UTP20: variants seen among roughly 807,000 people sequenced by gnomAD.
UTP20 encodes the protein small subunit processome component 20 homolog.
A neutral mutation model predicts 329.5 loss-of-function variants in UTP20; 164 were observed. That is an observed-to-expected ratio of 0.50 (90% CI 0.44 to 0.57). UTP20 has a LOEUF of 0.57. Among genes scored for constraint, UTP20 ranks in the 20% least tolerant of loss-of-function variants. UTP20 has a pLI of 0.00. For synonymous variants in UTP20, 1,151 were observed against 1,159.3 expected (o/e 0.99, Z 0.14); for missense variants, 3,055 against 3,284.2 (o/e 0.93, Z 1.71).
chr12:101,281,035 C>T, intron 1 of UTP20, 81 bp from the exon 2 acceptor site: 1 of 1,190,976 alleles, frequency 8.4e-7, no homozygotes, highest in Non-Finnish European at 1.2e-6. Flanking sequence ...TTAGAGATGC[C>T]TACATGCAGC....
At chr12:101,383,801 T>A in intron 60 of UTP20, 132 bp downstream of exon 60, 1 of 298,784 alleles carries the variant, frequency 3.3e-6, no homozygotes, top group Non-Finnish European at 5.2e-6. Flanking sequence ...TATATTTTAA[T>A]TATATATTAT....
At position 101,353,046 on chromosome 12, in the gene UTP20, G is replaced by A. The variant is rs1869590742; in HGVS notation, c.5025-1G>A. ...TTTCTGTATACTTTTTTTTTTAACAGTTTGCTAGTAATAGTGTTAGAAGCA... is the reference window on the plus strand; with the variant it reads ...TTTCTGTATACTTTTTTTTTTAACAATTTGCTAGTAATAGTGTTAGAAGCA... On this transcript the variant is annotated splice_acceptor_variant, in intron 39 of 61. Transcript: ENST00000261637. LOFTEE classifies it high-confidence loss of function. 2 of 1,534,882 alleles carry A rather than the reference G, an allele frequency of 1.3e-6. No individual in the cohort carries two copies. The highest frequency in any genetic ancestry group is 1.9e-5 in the Admixed American group (1 of 54,032).
At chr12:101,344,967 A>G (rs1869274220) in intron 36 of UTP20, among the ~76,000 whole-genome samples, 1 of 87,408 alleles carries the variant, frequency 1.1e-5, no homozygotes, top group Non-Finnish European at 2.1e-5. Flanking sequence ...TTTTTTTGAG[A>G]CGGAGTCTCG....
intron 48 of UTP20, 111 bp from the exon 49 acceptor site, chr12:101,369,610 G>A (rs2121024103): frequency 1.6e-6 from 1 of 642,974 alleles, no homozygotes; most frequent in East Asian, 2.5e-5. Flanking sequence ...GCTGCGCTTA[G>A]CATCTTATTT....
chr12:101,281,122 A>G lies in UTP20; in HGVS notation c.52A>G (p.Thr18Ala). 6.2e-7 allele frequency: 1 copy of G among 1,611,824 alleles called. No homozygotes were observed. Among genetic ancestry groups the G allele is most frequent in the Non-Finnish European group, 8.5e-7 (1 of 1,178,746 alleles). The change falls in exon 2 of 62, where the codon ACA becomes GCA. Residue 18 changes from threonine (T) to alanine (A), a missense_variant. Coordinates refer to ENST00000261637, the MANE Select transcript of UTP20 (RefSeq NM_014503.3). Reference protein sequence around the residue: ...HKTENTYRFLTFAERLGNVNI... With the variant: ...HKTENTYRFLAFAERLGNVNI... Reference sequence around the variant, plus strand: ...AATATACTTTCCCTTCCAGTTTCTTACATTTGCTGAACGACTGGGGAATGT... The same window carrying G: ...AATATACTTTCCCTTCCAGTTTCTTGCATTTGCTGAACGACTGGGGAATGT...
rs1218899485 is a variant in UTP20, at chr12:101,342,820, A to G, written c.4279A>G (p.Ile1427Val). 33 of 1,613,388 alleles carry G rather than the reference A, an allele frequency of 2.0e-5. No homozygotes were observed. In the Admixed American group the frequency reaches 5.2e-4, roughly 25 times the overall value. Residue 1427 changes from isoleucine to valine, a missense_variant, in exon 34 of 62, where the codon ATT becomes GTT. Ile to Val is a conservative substitution (Grantham distance 29, BLOSUM62 3). Transcript: ENST00000261637. ...LSDFESGLKY[I>V]TDVVKLNAFD... Reference sequence around the variant, plus strand: ...TGATTTTGAGAGTGGGTTAAAATATATTACTGATGTTGTCAAGGTAAGAAA... The same window carrying G: ...TGATTTTGAGAGTGGGTTAAAATATGTTACTGATGTTGTCAAGGTAAGAAA...
intron 29 of UTP20, among the ~76,000 whole-genome samples, chr12:101,336,955 T>C (rs946745519): frequency 3.3e-5 from 5 of 152,332 alleles, no homozygotes; most frequent in African/African-American, 9.6e-5. Context: ...TTACTCGCAG[T>C]TGAAAGCAGT....
At chr12:101,362,158 A>G (rs1294863256) in intron 44 of UTP20, 98 bp downstream of exon 44, 3 of 844,728 alleles carry the variant, frequency 3.6e-6, no homozygotes, top group Non-Finnish European at 5.7e-6. Flanking sequence ...GCCCATAAAA[A>G]TGAAAATAAT....
chr12:101,316,586 G>C (rs1872979420), intron 21 of UTP20, among the ~76,000 whole-genome samples: 1 of 152,138 alleles, frequency 6.6e-6, no homozygotes, highest in South Asian at 2.1e-4. Context: ...AGGTTAACTT[G>C]GGCTAAGCTA....
rs35512001 is a variant in UTP20 at position 101,329,461 on chromosome 12, T to C, written c.3417+12T>C. ...ACCAACGAGAAAAGGTTAGATTCAC[T>C]ATAGATGCTTTCAAGTCAAGTGCTT... On this transcript the variant is annotated intron_variant, in intron 27 of 61. Coordinates refer to ENST00000261637, the MANE Select transcript of UTP20 (RefSeq NM_014503.3). 178,423 of 1,600,976 alleles carry C rather than the reference T, an allele frequency of 0.11. 11,107 individuals carry two copies. Among genetic ancestry groups the C allele is most frequent in the Middle Eastern group, 0.15 (917 of 6,016 alleles).
Position 101,338,093 on chromosome 12 carries a change from A to G in UTP20, c.3684A>G (p.Glu1228=). 6.2e-7 allele frequency: 1 copy of G among 1,614,200 alleles called. No individual in the cohort carries two copies. The highest frequency in any genetic ancestry group is 8.5e-7 in the Non-Finnish European group (1 of 1,180,022). ...CTAAACAGAAGCCTGGGCACCCAGAATGTGATATCCTGACCAATGTTTTTG... is the reference window on the plus strand; with the variant it reads ...CTAAACAGAAGCCTGGGCACCCAGAGTGTGATATCCTGACCAATGTTTTTG... The part of the protein sequence containing the change: ...LLAKQKPGHP[E]CDILTNVFAI... The change falls in exon 30 of 62, where the codon GAA becomes GAG. Residue 1228 remains glutamate, a synonymous_variant. Transcript: ENST00000261637.
At position 101,363,851 on chromosome 12, in the gene UTP20, TC is replaced by T. The variant is rs748843887; in HGVS notation, c.5958+110del. The T allele has an allele frequency of 6.0e-4, 447 of 739,212 alleles. 2 individuals carry two copies. Among genetic ancestry groups the T allele is most frequent in the Non-Finnish European group, 9.2e-4 (407 of 442,302 alleles). The allele number at this position is 739,212 out of a possible 1,614,324, so 45.8% of individuals were successfully genotyped here. On this transcript the variant is annotated intron_variant, in intron 45 of 61. Coordinates refer to ENST00000261637, the MANE Select transcript of UTP20 (RefSeq NM_014503.3). ...ACACTGTTCTTGATCACCCATGATT[TC>T]CTTTGGTGATAGGGCCCCAGGACCA...
At chr12:101,336,482 C>G (rs1323224753) in intron 29 of UTP20, among the ~76,000 whole-genome samples, 2 of 151,892 alleles carry the variant, frequency 1.3e-5, no homozygotes, top group East Asian at 3.9e-4. Context: ...CTTTTTTGTC[C>G]AAACTGAAAA....
In UTP20 at chr12:101,383,129, T is replaced by TG; in HGVS notation, c.7747dup (p.Glu2583GlyfsTer15). The TG allele has an allele frequency of 6.2e-7, 1 of 1,613,800 alleles. No individual in the cohort carries two copies. Among genetic ancestry groups the TG allele is most frequent in the Non-Finnish European group, 8.5e-7 (1 of 1,179,876 alleles). ...AAGCAAAGTAAGATAAAAGAAGACCTGGAAGAACAAGAAGCTTTAGAAGAT... is the reference window on the plus strand; with the variant it reads ...AAGCAAAGTAAGATAAAAGAAGACCTGGGAAGAACAAGAAGCTTTAGAAGAT... On this transcript the variant is annotated frameshift_variant, in exon 59 of 62. Transcript: ENST00000261637. LOFTEE classifies it high-confidence loss of function.
At chr12:101,291,213 T>G in intron 8 of UTP20, 1 of 198,192 alleles carries the variant, frequency 5.0e-6, no homozygotes, top group Non-Finnish European at 1.0e-5. Context: ...GGTAGTAATA[T>G]TCTCTCCCTC....
intron 29 of UTP20, 39 bp from the exon 30 acceptor site, chr12:101,338,012 T>C (rs1868987171): frequency 6.3e-7 from 1 of 1,580,444 alleles, no homozygotes; most frequent in African/African-American, 1.3e-5. Context: ...AGTGAACATA[T>C]TGAGAATAAG....
In UTP20 at chr12:101,342,518, A is replaced by G; in HGVS notation, c.4174A>G (p.Lys1392Glu). 1 of 1,613,782 alleles carries G rather than the reference A, an allele frequency of 6.2e-7. No individual in the cohort carries two copies. The change falls in exon 33 of 62, where the codon AAG becomes GAG. Residue 1392 changes from lysine (K) to glutamate (E), a missense_variant. Lys to Glu is a moderately conservative substitution (Grantham distance 56). This residue lies in a region of UTP20 where 2,445 missense variants were observed against 2,575.5 expected (regional missense o/e 0.95). Coordinates refer to ENST00000261637, the MANE Select transcript of UTP20 (RefSeq NM_014503.3). ...KHCVDPTSFL[K>E]PIAKLFSVIK... is the part of the protein sequence containing the mutation. ...TTGTGTGGACCCTACAAGCTTCCTCAAGCCTATAGCAAAACTTTTCTCAGT... is the reference window on the plus strand; with the variant it reads ...TTGTGTGGACCCTACAAGCTTCCTCGAGCCTATAGCAAAACTTTTCTCAGT...
chr12:101,296,999 TC>T (rs1190685600), intron 12 of UTP20, among the ~76,000 whole-genome samples: 8 of 152,062 alleles, frequency 5.3e-5, no homozygotes, highest in Non-Finnish European at 1.2e-4. Context: ...TACTTAATCT[TC>T]TTATTTCTCT....
intron 35 of UTP20, among the ~76,000 whole-genome samples, chr12:101,343,889 T>G (rs914398445): frequency 6.6e-6 from 1 of 152,190 alleles, no homozygotes; most frequent in Non-Finnish European, 1.5e-5. Flanking sequence ...CTATACTAAT[T>G]GAAAATTATC....
Sources: allele counts gnomAD v4.1 joint callset (sites outside exome capture counted in the v4.1 genomes callset), GRCh38; gene constraint gnomAD v4.1.1; regional missense constraint gnomAD v4.1.1; transcripts MANE v1.5; gene names NCBI Gene and HGNC (gene_info 2026-07-23, HGNC 2026-07-21).